FER1L6: variants seen among roughly 807,000 people sequenced by gnomAD.
FER1L6 encodes fer-1-like protein 6.
In FER1L6, 177 loss-of-function variants were observed where a neutral mutation model predicts 219.2. That is an observed-to-expected ratio of 0.81 (90% CI 0.71 to 0.91). The LOEUF (loss-of-function observed/expected upper bound fraction) is 0.91, where lower values mean the gene tolerates loss of function less well. Ranked by LOEUF, FER1L6 falls within the 40% of genes least tolerant of loss-of-function variation. FER1L6 has a pLI of 0.00. For synonymous variants in FER1L6, 768 were observed against 824.3 expected, an observed-to-expected ratio of 0.93 and a Z score of 1.17; for missense variants, 2,153 against 2,259.9, an observed-to-expected ratio of 0.95 and a Z score of 0.96.
intron 1 of FER1L6, among the ~76,000 whole-genome samples, chr8:123,948,874 A>G (rs1010834505): frequency 6.6e-6 from 1 of 151,928 alleles, no homozygotes; most frequent in Non-Finnish European, 1.5e-5. Context: ...TTTTGTAAAT[A>G]TTGTTTGTCA....
chr8:124,088,292 C>T (rs1255610686), intron 33 of FER1L6, among the ~76,000 whole-genome samples: 1 of 152,100 alleles, frequency 6.6e-6, no homozygotes, highest in African/African-American at 2.4e-5. Context: ...AGGGGTCTCT[C>T]CCCATGGCCA....
chr8:124,009,908 CAGG>C (rs1436399089), intron 13 of FER1L6, among the ~76,000 whole-genome samples: 1 of 139,460 alleles, frequency 7.2e-6, no homozygotes, highest in Middle Eastern at 3.8e-3. Flanking sequence ...GCAACCCGGG[CAGG>C]AGAAGTCTTG....
At chr8:124,095,595 T>G (rs1822248725) in intron 35 of FER1L6, among the ~76,000 whole-genome samples, 1 of 152,164 alleles carries the variant, frequency 6.6e-6, no homozygotes, top group African/African-American at 2.4e-5. Context: ...GAAGACAAGA[T>G]AAACTTTGTG....
intron 1 of FER1L6, among the ~76,000 whole-genome samples, chr8:123,918,374 AATTT>A (rs1288316060): frequency 7.2e-5 from 11 of 152,130 alleles, no homozygotes; most frequent in African/African-American, 2.2e-4. Context: ...GTGTGTACAA[AATTT>A]ATTTAATTAG....
At chr8:124,048,610 C>G (rs1480745659) in intron 21 of FER1L6, among the ~76,000 whole-genome samples, 2 of 152,158 alleles carry the variant, frequency 1.3e-5, no homozygotes, top group Non-Finnish European at 2.9e-5. Flanking sequence ...CAGGACTGCC[C>G]CATCACTTAG....
chr8:123,954,248 G>T (rs1814913752), intron 1 of FER1L6, among the ~76,000 whole-genome samples: 1 of 152,090 alleles, frequency 6.6e-6, no homozygotes, highest in Non-Finnish European at 1.5e-5. Context: ...GGTCTCAAAG[G>T]ATCCTTGAAT....
intron 1 of FER1L6, among the ~76,000 whole-genome samples, chr8:123,918,375 ATTTAT>A (rs1813252823): frequency 6.6e-6 from 1 of 152,066 alleles, no homozygotes; most frequent in South Asian, 2.1e-4. Flanking sequence ...TGTGTACAAA[ATTTAT>A]TTAATTAGTC....
chr8:124,087,912 C>T (rs1821851836), intron 33 of FER1L6, among the ~76,000 whole-genome samples: 1 of 152,060 alleles, frequency 6.6e-6, no homozygotes, highest in Admixed American at 6.5e-5. Context: ...CTCTTTTTCT[C>T]CTTTCTTTTC....
chr8:123,933,621 A>AT (rs1207116660), intron 1 of FER1L6, among the ~76,000 whole-genome samples: 1 of 152,218 alleles, frequency 6.6e-6, no homozygotes, highest in African/African-American at 2.4e-5. Flanking sequence ...ATAAGGCAAG[A>AT]TTTTAGAATA....
chr8:123,992,123 G>A (rs1404156758), intron 12 of FER1L6, among the ~76,000 whole-genome samples: 1 of 151,906 alleles, frequency 6.6e-6, no homozygotes, highest in Non-Finnish European at 1.5e-5. Flanking sequence ...GAAGATTTTT[G>A]CATCTGTGTT....
intron 12 of FER1L6, among the ~76,000 whole-genome samples, chr8:123,997,486 G>T (rs1364783133): frequency 6.6e-6 from 1 of 152,090 alleles, no homozygotes; most frequent in Non-Finnish European, 1.5e-5. Context: ...TCTTGAGGTA[G>T]TCTTCTTTGG....
intron 22 of FER1L6, 48 bp from the exon 23 acceptor site, chr8:124,060,132 T>C (rs1187456215): frequency 6.9e-7 from 1 of 1,448,436 alleles, no homozygotes; most frequent in African/African-American, 1.4e-5. Context: ...CACTGTTGCC[T>C]TCCCTGTGTC....
At chr8:123,911,827 GT>G (rs71289621) in intron 1 of FER1L6, among the ~76,000 whole-genome samples, 40,705 of 151,992 alleles carry the variant, frequency 0.27, 5,759 homozygotes, top group East Asian at 0.44. Flanking sequence ...TGCATCTCTG[GT>G]TTTGAATTTC....
intron 28 of FER1L6, 77 bp downstream of exon 28, chr8:124,067,883 G>C: frequency 8.2e-7 from 1 of 1,217,730 alleles, no homozygotes. Context: ...GGAAGCCACG[G>C]GAGGTGTATT....
intron 1 of FER1L6, among the ~76,000 whole-genome samples, chr8:123,898,885 G>GT (rs1005344958): frequency 5.5e-5 from 8 of 144,488 alleles, no homozygotes; most frequent in Non-Finnish European, 1.1e-4. Flanking sequence ...ATATATATCA[G>GT]TTTTTTATCC....
chr8:124,045,983 T>C, intron 21 of FER1L6, 82 bp downstream of exon 21: 1 of 1,542,826 alleles, frequency 6.5e-7, no homozygotes, highest in East Asian at 2.3e-5. Context: ...TTAAAGTAAA[T>C]AAAGTCCTGA....
intron 18 of FER1L6, among the ~76,000 whole-genome samples, chr8:124,034,492 G>T (rs1053721142): frequency 6.6e-6 from 1 of 152,106 alleles, no homozygotes; most frequent in Non-Finnish European, 1.5e-5. Flanking sequence ...CATACATGTG[G>T]ACATGCACAC....
rs758731302 is a variant in FER1L6, at chr8:123,973,490, G to A, written c.504G>A (p.Leu168=). 3.7e-6 allele frequency: 6 copies of A among 1,613,890 alleles called. No individual in the cohort carries two copies. In the South Asian group the frequency reaches 6.6e-5, roughly 18 times the overall value. ...SVLIGSFKVD[L]GTVYNQPGHQ... The stretch of plus-strand genomic sequence containing the variant: ...TGATTGGCTCTTTCAAAGTAGACCT[G>A]GGGACCGTGTACAACCAACCTGGTA... The change falls in exon 7 of 41, where the codon CTG becomes CTA. Residue 168 remains leucine (L), a synonymous_variant. Transcript: ENST00000522917.
chr8:123,966,580 G>A (rs1412767443), intron 5 of FER1L6, among the ~76,000 whole-genome samples: 1 of 152,020 alleles, frequency 6.6e-6, no homozygotes, highest in African/African-American at 2.4e-5. Flanking sequence ...TATAAGCCCT[G>A]GGTTTATAGT....
Sources: gnomAD v4.1 joint callset for allele counts (sites outside exome capture counted in the v4.1 genomes callset) on GRCh38, gnomAD v4.1.1 for gene constraint, MANE v1.5 for transcripts, NCBI Gene and HGNC (gene_info 2026-07-23, HGNC 2026-07-21) for gene names.